ELAPOR2: variants seen among roughly 807,000 people sequenced by gnomAD.
ELAPOR2 encodes endosome-lysosome associated apoptosis and autophagy regulator family member 2, also known as endosome/lysosome-associated apoptosis and autophagy regulator family member 2.
ELAPOR2 carries 89 observed loss-of-function variants against 120.7 expected under a neutral mutation model. The observed-to-expected ratio is 0.74, with a 90% CI of 0.62 to 0.88. ELAPOR2 has a LOEUF of 0.88. Ranked by LOEUF, ELAPOR2 falls within the 40% of genes least tolerant of loss-of-function variation. ELAPOR2 has a pLI of 0.00. For missense variants in ELAPOR2, 1,134 were observed against 1,251.6 expected (o/e 0.91, Z 1.42); for synonymous variants, 444 against 444.9 (o/e 1.00, Z 0.03).
At chr7:87,042,427 C>T (rs1171795659) in intron 1 of ELAPOR2, among the ~76,000 whole-genome samples, 4 of 151,190 alleles carry the variant, frequency 2.6e-5, no homozygotes, top group Admixed American at 2.6e-4. Context: ...GACCACAGTG[C>T]AATCAAACTA....
At chr7:87,046,814 C>T (rs938363926) in intron 1 of ELAPOR2, among the ~76,000 whole-genome samples, 1 of 152,184 alleles carries the variant, frequency 6.6e-6, no homozygotes, top group African/African-American at 2.4e-5. Context: ...GTCAATTAAA[C>T]CTCTTTCCTT....
intron 2 of ELAPOR2, among the ~76,000 whole-genome samples, chr7:86,961,216 G>T (rs1791693669): frequency 6.6e-6 from 1 of 152,086 alleles, no homozygotes; most frequent in East Asian, 1.9e-4. Flanking sequence ...TGACTGATTT[G>T]ATCCTTTCCT....
rs10255087 is a variant in ELAPOR2, at chr7:87,045,502, G to A, written c.189+13823C>T. ...AAATCATCATTCTCAGTAAACTATC[G>A]CAAGAACAAAAAACCAAACACCACA... On this transcript the variant is annotated intron_variant, in intron 1 of 21. Transcript: ENST00000450689. 3.6e-3 allele frequency among the ~76,000 whole-genome samples: 542 copies of A among 150,228 alleles called. 1 individual carries two copies. The highest frequency in any genetic ancestry group is 0.012 in the African/African-American group (471 of 40,426).
intron 1 of ELAPOR2, among the ~76,000 whole-genome samples, chr7:87,024,718 A>G (rs2116711692): frequency 6.6e-6 from 1 of 152,058 alleles, no homozygotes; most frequent in Admixed American, 6.6e-5. Flanking sequence ...TTGGTAAGCT[A>G]TAATTATCAC....
chr7:86,948,032 A>C, intron 2 of ELAPOR2, 110 bp from the exon 3 acceptor site: 1 of 727,210 alleles, frequency 1.4e-6, no homozygotes, highest in Non-Finnish European at 2.2e-6. Context: ...CCACACTCAA[A>C]CGAAAGCCTT....
intron 3 of ELAPOR2, among the ~76,000 whole-genome samples, chr7:86,946,064 A>G (rs148899559): frequency 4.6e-5 from 7 of 152,260 alleles, no homozygotes; most frequent in Non-Finnish European, 1.0e-4. Context: ...TGACTTCACA[A>G]AAGTTAATAA....
intron 1 of ELAPOR2, among the ~76,000 whole-genome samples, chr7:87,006,387 T>G: frequency 6.9e-6 from 1 of 145,788 alleles, no homozygotes; most frequent in Admixed American, 6.9e-5. Context: ...GGTGGGGGGC[T>G]AGGGGAGGGA....
At chr7:86,883,023 G>GGTGTGTGTGTGTGTGTGT (rs55859925) in intron 21 of ELAPOR2, among the ~76,000 whole-genome samples, 5 of 141,554 alleles carry the variant, frequency 3.5e-5, no homozygotes, top group African/African-American at 1.3e-4. Flanking sequence ...GTTTGAAAGG[G>GGTGTGTGTGTGTGTGTGT]GTGTGTGTGT....
chr7:86,981,632 A>C (rs1164374846), intron 1 of ELAPOR2, among the ~76,000 whole-genome samples: 2 of 152,356 alleles, frequency 1.3e-5, no homozygotes, highest in East Asian at 3.9e-4. Context: ...GTCATGTGCA[A>C]GCCTCAACTC....
At chr7:86,886,528 T>C (rs1205012689) in intron 21 of ELAPOR2, among the ~76,000 whole-genome samples, 1 of 152,100 alleles carries the variant, frequency 6.6e-6, no homozygotes, top group Non-Finnish European at 1.5e-5. Flanking sequence ...CCTCTTGATA[T>C]GGCTACCAGC....
intron 1 of ELAPOR2, among the ~76,000 whole-genome samples, chr7:87,047,840 G>A (rs1209632716): frequency 1.3e-5 from 2 of 152,194 alleles, no homozygotes; most frequent in Non-Finnish European, 2.9e-5. Context: ...CAAAAGAAAG[G>A]AAATCAGTAT....
At chr7:86,992,128 T>C (rs1159590912) in intron 1 of ELAPOR2, among the ~76,000 whole-genome samples, 1 of 152,200 alleles carries the variant, frequency 6.6e-6, no homozygotes, top group Non-Finnish European at 1.5e-5. Flanking sequence ...AGGAAGCTGA[T>C]TTTTTTATGG....
At chr7:86,990,472 C>T (rs560745550) in intron 1 of ELAPOR2, among the ~76,000 whole-genome samples, 1 of 152,252 alleles carries the variant, frequency 6.6e-6, no homozygotes, top group South Asian at 2.1e-4. Flanking sequence ...AGAAGGTCCT[C>T]ACCAGATGCC....
intron 1 of ELAPOR2, among the ~76,000 whole-genome samples, chr7:87,052,776 CTTTTGTTTTGTTTTGTTTTG>C (rs77194595): frequency 2.0e-5 from 3 of 146,994 alleles, no homozygotes; most frequent in Non-Finnish European, 1.5e-5. Context: ...GGTTTGTTTT[CTTTTGTTTTGTTTTGTTTTG>C]TTTTGTTTTG....
intron 1 of ELAPOR2, among the ~76,000 whole-genome samples, chr7:87,042,904 C>G (rs531705024): frequency 6.6e-6 from 1 of 151,870 alleles, no homozygotes. Context: ...ATCAAATAGA[C>G]GCAATAAAAA....
chr7:87,000,401 G>GGT (rs397766652), intron 1 of ELAPOR2, among the ~76,000 whole-genome samples: 2 of 151,774 alleles, frequency 1.3e-5, no homozygotes, highest in Non-Finnish European at 2.9e-5. Context: ...AAATATTAAG[G>GGT]TGTCATGTAA....
intron 1 of ELAPOR2, among the ~76,000 whole-genome samples, chr7:86,974,720 A>C (rs1033643322): frequency 6.6e-6 from 1 of 152,036 alleles, no homozygotes; most frequent in African/African-American, 2.4e-5. Flanking sequence ...ATGTATTATC[A>C]AAATTTTCTA....
intron 18 of ELAPOR2, among the ~76,000 whole-genome samples, chr7:86,905,066 AGAGAGAAGGAAG>A (rs1562909834): frequency 8.1e-6 from 1 of 123,028 alleles, no homozygotes; most frequent in Non-Finnish European, 1.7e-5. Flanking sequence ...AAAGACAGAG[AGAGAGAAGGAAG>A]GAAGGAAGGA....
chr7:86,884,673 A>G (rs949470111), intron 21 of ELAPOR2, among the ~76,000 whole-genome samples: 1 of 152,160 alleles, frequency 6.6e-6, no homozygotes, highest in African/African-American at 2.4e-5. Flanking sequence ...TAAAAATTAC[A>G]GAGACATGCA....
Sources: gnomAD v4.1 joint callset for allele counts (sites outside exome capture counted in the v4.1 genomes callset) on GRCh38, gnomAD v4.1.1 for gene constraint, MANE v1.5 for transcripts, NCBI Gene and HGNC (gene_info 2026-07-23, HGNC 2026-07-21) for gene names.